The following RNF39 variants were observed in gnomAD, a reference collection of about 807,000 sequenced individuals.
RNF39 encodes the protein LTP (long-term potentiation) induced RING finger protein.
In RNF39, 25 loss-of-function variants were observed where a neutral mutation model predicts 29.2. The observed-to-expected ratio is 0.86, with a 90% CI of 0.62 to 1.20. The LOEUF (loss-of-function observed/expected upper bound fraction) is 1.20. RNF39 is among the 50% of genes most tolerant of loss of function. The pLI is 0.00. For missense variants in RNF39, 519 were observed against 515.0 expected, an observed-to-expected ratio of 1.01 and a Z score of -0.08; for synonymous variants, 219 against 229.0, an observed-to-expected ratio of 0.96 and a Z score of 0.40.
Position 30,071,127 on chromosome 6 carries a change from A to G in RNF39, c.1043T>C (p.Val348Ala). 6.4e-7 allele frequency: 1 copy of G among 1,560,240 alleles called. No homozygotes were observed. The highest frequency in any genetic ancestry group is 1.2e-5 in the South Asian group (1 of 82,008). The change falls in exon 4 of 4, where the codon GTA becomes GCA. Residue 348 changes from valine (V) to alanine (A), a missense_variant. Coordinates refer to ENST00000244360, the MANE Select transcript of RNF39 (RefSeq NM_025236.4). The surrounding 1 kb of genome is among the most constrained non-coding windows in gnomAD (Gnocchi z 5.0). The stretch of plus-strand genomic sequence containing the variant: ...AGACGAGACTCAGCTTTCCGCTGGT[A>G]CAATGCGGAGCGGAGCACGAGGGTC... ...TCDPRAPLRI[V>A]PAES
Position 30,075,365 on chromosome 6 carries a change from C to T in RNF39, c.221G>A (p.Ser74Asn), listed in dbSNP as rs765271457. 1.5e-5 allele frequency: 24 copies of T among 1,586,002 alleles called. No homozygotes were observed. The highest frequency in any genetic ancestry group is 2.0e-5 in the Non-Finnish European group (23 of 1,168,830). Residue 74 changes from serine (S) to asparagine (N), a missense_variant, in exon 1 of 4, where the codon AGC becomes AAC. Coordinates refer to ENST00000244360, the MANE Select transcript of RNF39 (RefSeq NM_025236.4). ...PCCGLPCPRRSLRSNVRLAVE... is the reference protein window; with the variant it reads ...PCCGLPCPRRNLRSNVRLAVE... ...CGCCAGCCGCACATTAGACCTCAGG[C>T]TGCGGCGGGGACACGGCAGGCCGCA...
chr6:30,071,181 TC>T lies in RNF39; in HGVS notation c.988del (p.Glu330SerfsTer72). 2 of 1,522,826 alleles carry T rather than the reference TC, an allele frequency of 1.3e-6. No individual in the cohort carries two copies. The highest frequency in any genetic ancestry group is 1.8e-6 in the Non-Finnish European group (2 of 1,137,720). The allele number at this position is 1,522,826 out of a possible 1,614,324, so 94.3% of individuals were successfully genotyped here. On this transcript the variant is annotated frameshift_variant, in exon 4 of 4. Transcript: ENST00000244360. LOFTEE classifies it high-confidence loss of function. The surrounding 1 kb of genome is among the most constrained non-coding windows in gnomAD (Gnocchi z 5.0). The stretch of plus-strand genomic sequence containing the variant: ...GGTGCAGAACAGCGGGAAGATGCGC[TC>T]CCCCAGGGGGCCAGGCGCCTGGAAG... ...YAFQAPGPLG[E>X]RIFPLFCTCD...
At position 30,071,013 on chromosome 6, in the gene RNF39, G is replaced by T; in HGVS notation, c.*98C>A. 1 of 974,946 alleles carries T rather than the reference G, an allele frequency of 1.0e-6. No individual in the cohort carries two copies. Among genetic ancestry groups the T allele is most frequent in the Non-Finnish European group, 1.6e-6 (1 of 621,270 alleles). 60.4% of individuals were successfully genotyped at this position (974,946 alleles called of 1,614,324 possible). A position where few individuals can be genotyped will look rare whatever the true frequency, so the allele number is the denominator to read the frequency against. On this transcript the variant is annotated 3_prime_UTR_variant, in exon 4 of 4. Transcript: ENST00000244360. The surrounding 1 kb of genome is among the most constrained non-coding windows in gnomAD (Gnocchi z 5.0). ...GTTGCTATTAATACTCCTGCAATGG[G>T]CGTGTGAATGTGTTCCCAGAAATGA...
Position 30,070,422 on chromosome 6 carries a change from G to A in RNF39, c.*689C>T, listed in dbSNP as rs2127311137. 1 of 202,698 alleles carries A rather than the reference G, an allele frequency of 4.9e-6. No individual in the cohort carries two copies. Among genetic ancestry groups the A allele is most frequent in the East Asian group, 1.2e-4 (1 of 8,248 alleles). The allele number at this position is 202,698 out of a possible 1,614,324, so 12.6% of individuals were successfully genotyped here. A position where few individuals can be genotyped will look rare whatever the true frequency, so the allele number is the denominator to read the frequency against. On this transcript the variant is annotated 3_prime_UTR_variant, in exon 4 of 4. Coordinates refer to ENST00000244360, the MANE Select transcript of RNF39 (RefSeq NM_025236.4). ...TTTGGAGATGTCTGAAGTATTCCCAGGTTGAGGAGGAGAGAGGGGAAATAG... is the reference window on the plus strand; with the variant it reads ...TTTGGAGATGTCTGAAGTATTCCCAAGTTGAGGAGGAGAGAGGGGAAATAG...
rs962217611 is a variant in RNF39, at chr6:30,071,655, C to A, written c.515G>T (p.Arg172Leu). Residue 172 changes from arginine (R) to leucine (L), a missense_variant, in exon 4 of 4, where the codon CGC becomes CTC. Arg to Leu is a moderately radical substitution (Grantham distance 102). Transcript: ENST00000244360. This position sits in a 1 kb window ranked among gnomAD's most constrained non-coding sequence, Gnocchi z 5.0. ...GCGGCGGTCGGCGGAGATGAGCAGGCGGCGGTGTGCGGTCCCAGGGTCCAG... is the reference window on the plus strand; with the variant it reads ...GCGGCGGTCGGCGGAGATGAGCAGGAGGCGGTGTGCGGTCCCAGGGTCCAG... ...LTLDPGTAHR[R>L]LLISADRRSV... The A allele has an allele frequency of 2.8e-6, 4 of 1,428,496 alleles. No homozygotes were observed. The highest frequency in any genetic ancestry group is 3.6e-6 in the Non-Finnish European group (4 of 1,097,744). The allele number at this position is 1,428,496 out of a possible 1,614,324, so 88.5% of individuals were successfully genotyped here.
At position 30,075,338 on chromosome 6, in the gene RNF39, A is replaced by T. The variant is rs77391493; in HGVS notation, c.248T>A (p.Val83Glu). 9 of 1,589,298 alleles carry T rather than the reference A, an allele frequency of 5.7e-6. No homozygotes were observed. The South Asian group carries it at 1.0e-4, about 18-fold the overall frequency. Reference sequence around the variant, plus strand: ...CAGCTCGCGGCTGATTCGCACCTCCACCGCCAGCCGCACATTAGACCTCAG... The same window carrying T: ...CAGCTCGCGGCTGATTCGCACCTCCTCCGCCAGCCGCACATTAGACCTCAG... ...RSLRSNVRLA[V>E]EVRISRELRE... Residue 83 changes from valine (V) to glutamate (E), a missense_variant, in exon 1 of 4, where the codon GTG becomes GAG. Transcript: ENST00000244360.
In RNF39 at chr6:30,071,486, G is replaced by A. The variant is rs1765968224; in HGVS notation, c.684C>T (p.Cys228=). 22 of 1,558,056 alleles carry A rather than the reference G, an allele frequency of 1.4e-5. No homozygotes were observed. The highest frequency in any genetic ancestry group is 1.9e-5 in the Non-Finnish European group (22 of 1,156,864). The change falls in exon 4 of 4, where the codon TGC becomes TGT. Residue 228 remains cysteine, a synonymous_variant. Transcript: ENST00000244360. The surrounding 1 kb of genome is among the most constrained non-coding windows in gnomAD (Gnocchi z 5.0). ...WEVETADAAS[C]RDSSGEDADD... ...CCGCATCCTCCCCAGAAGAGTCTCT[G>A]CAGGAGGCGGCGTCCGCAGTCTCCA... is the stretch of plus-strand genomic sequence containing the variant.
Position 30,071,784 on chromosome 6 carries a change from A to G in RNF39, c.479-93T>C. The G allele has an allele frequency of 9.0e-7, 1 of 1,108,888 alleles. No homozygotes were observed. The highest frequency in any genetic ancestry group is 1.2e-6 in the Non-Finnish European group (1 of 827,792). The allele number at this position is 1,108,888 out of a possible 1,614,324, so 68.7% of individuals were successfully genotyped here. ...GAGAATAGTCAACGAAGATCACGTAAAAGACTGAGAGCTAGTGACCACACA... is the reference window on the plus strand; with the variant it reads ...GAGAATAGTCAACGAAGATCACGTAGAAGACTGAGAGCTAGTGACCACACA... On this transcript the variant is annotated intron_variant, in intron 3 of 3. Transcript: ENST00000244360. This position sits in a 1 kb window ranked among gnomAD's most constrained non-coding sequence, Gnocchi z 5.0.
rs909643792 is a variant in RNF39 at position 30,071,105 on chromosome 6, C to T, written c.*6G>A. 4 of 1,552,324 alleles carry T rather than the reference C, an allele frequency of 2.6e-6. No individual in the cohort carries two copies. The African/African-American group carries it at 4.1e-5, about 16-fold the overall frequency. On this transcript the variant is annotated 3_prime_UTR_variant, in exon 4 of 4. Transcript: ENST00000244360. This position sits in a 1 kb window ranked among gnomAD's most constrained non-coding sequence, Gnocchi z 5.0. The stretch of plus-strand genomic sequence containing the variant: ...GCCGGGCCAAACTTCTAGTTGGAGA[C>T]GAGACTCAGCTTTCCGCTGGTACAA...
rs2127327144 is a variant in RNF39, at chr6:30,075,407, G to A, written c.179C>T (p.Pro60Leu). ...TPPATGTEAS[P>L]TACPCCGLPC... ...CAGGCCGCAGCAGGGACAGGCGGTG[G>A]GGGAAGCCTCGGTGCCGGTCGCCGG... The change falls in exon 1 of 4, where the codon CCC becomes CTC. Residue 60 changes from proline (P) to leucine (L), a missense_variant. Transcript: ENST00000244360. The A allele has an allele frequency of 6.4e-7, 1 of 1,559,722 alleles. No individual in the cohort carries two copies. The highest frequency in any genetic ancestry group is 1.4e-5 in the African/African-American group (1 of 73,932).
In RNF39 at chr6:30,071,665, C is replaced by A; in HGVS notation, c.505G>T (p.Ala169Ser). 1 of 1,430,180 alleles carries A rather than the reference C, an allele frequency of 7.0e-7. No homozygotes were observed. The highest frequency in any genetic ancestry group is 9.1e-7 in the Non-Finnish European group (1 of 1,098,850). The allele number at this position is 1,430,180 out of a possible 1,614,324, so 88.6% of individuals were successfully genotyped here. A position where few individuals can be genotyped will look rare whatever the true frequency, so the allele number is the denominator to read the frequency against. ...TADLTLDPGT[A>S]HRRLLISADR... ...GCGGAGATGAGCAGGCGGCGGTGTG[C>A]GGTCCCAGGGTCCAGGGTCAGGTCG... Residue 169 changes from alanine to serine, a missense_variant, in exon 4 of 4, where the codon GCA becomes TCA. Physicochemically the swap from Ala to Ser is moderately conservative, Grantham distance 99 (BLOSUM62 1). Coordinates refer to ENST00000244360, the MANE Select transcript of RNF39 (RefSeq NM_025236.4). The surrounding 1 kb of genome is among the most constrained non-coding windows in gnomAD (Gnocchi z 5.0).
In RNF39 at chr6:30,071,439, G is replaced by T; in HGVS notation, c.731C>A (p.Ala244Glu). 6.5e-7 allele frequency: 1 copy of T among 1,541,336 alleles called. No individual in the cohort carries two copies. Among genetic ancestry groups the T allele is most frequent in the Non-Finnish European group, 8.7e-7 (1 of 1,152,708 alleles). The change falls in exon 4 of 4, where the codon GCA becomes GAA. Residue 244 changes from alanine to glutamate, a missense_variant. Coordinates refer to ENST00000244360, the MANE Select transcript of RNF39 (RefSeq NM_025236.4). This position sits in a 1 kb window ranked among gnomAD's most constrained non-coding sequence, Gnocchi z 5.0. ...EDADDEESHY[A>E]VGAAGESVQR... ...CACTGATTCCCCGGCCGCGCCCACT[G>T]CATAGTGGCTCTCCTCGTCGTCCGC...
In RNF39 at chr6:30,072,066, G is replaced by A. The variant is rs887305069; in HGVS notation, c.479-375C>T. On this transcript the variant is annotated intron_variant, in intron 3 of 3. Coordinates refer to ENST00000244360, the MANE Select transcript of RNF39 (RefSeq NM_025236.4). The surrounding 1 kb of genome is among the most constrained non-coding windows in gnomAD (Gnocchi z 4.5). ...CTGATACCTCAATCTGCATCATCTG[G>A]GGTGGGGCATGGGAGCTGGGTCAGC... Among the ~76,000 whole-genome samples the A allele has an allele frequency of 2.0e-5, 3 of 152,082 alleles. No homozygotes were observed. The highest frequency in any genetic ancestry group is 2.9e-5 in the Non-Finnish European group (2 of 68,018).
In RNF39 at chr6:30,075,418, G is replaced by A. The variant is rs113591789; in HGVS notation, c.168C>T (p.Thr56=). Residue 56 remains threonine (T), a synonymous_variant, in exon 1 of 4, where the codon ACC becomes ACT. Coordinates refer to ENST00000244360, the MANE Select transcript of RNF39 (RefSeq NM_025236.4). ...RRWGTPPATG[T]EASPTACPCC... is the part of the protein sequence containing the mutation. ...AGGGACAGGCGGTGGGGGAAGCCTCGGTGCCGGTCGCCGGCGGAGTCCCCC... is the reference window on the plus strand; with the variant it reads ...AGGGACAGGCGGTGGGGGAAGCCTCAGTGCCGGTCGCCGGCGGAGTCCCCC... The A allele has an allele frequency of 6.4e-7, 1 of 1,554,932 alleles. No homozygotes were observed. Among genetic ancestry groups the A allele is most frequent in the Non-Finnish European group, 8.7e-7 (1 of 1,153,456 alleles).
chr6:30,073,912 C>T (rs1217623677), intron 1 of RNF39, among the ~76,000 whole-genome samples: 1 of 152,184 alleles, frequency 6.6e-6, no homozygotes, highest in African/African-American at 2.4e-5. Context: ...GTCCCTTCCT[C>T]CCTCCATCAC....
Position 30,071,522 on chromosome 6 carries a change from G to C in RNF39, c.648C>G (p.His216Gln). 3 of 1,533,950 alleles carry C rather than the reference G, an allele frequency of 2.0e-6. No homozygotes were observed. The highest frequency in any genetic ancestry group is 2.6e-6 in the Non-Finnish European group (3 of 1,144,294). The change falls in exon 4 of 4, where the codon CAC becomes CAG. Residue 216 changes from histidine (H) to glutamine (Q), a missense_variant. His to Gln is a conservative substitution (Grantham distance 24). Transcript: ENST00000244360. This position sits in a 1 kb window ranked among gnomAD's most constrained non-coding sequence, Gnocchi z 5.0. Reference protein sequence around the residue: ...LGAQGFGAGRHCWEVETADAA... With the variant: ...LGAQGFGAGRQCWEVETADAA... ...CGTCCGCAGTCTCCACCTCCCAGCA[G>C]TGGCGGCCGGCCCCGAAGCCCTGCG...
rs748828127 is a variant in RNF39 at position 30,073,471 on chromosome 6, C to T, written c.371G>A (p.Arg124Lys). 4 of 1,614,068 alleles carry T rather than the reference C, an allele frequency of 2.5e-6. No homozygotes were observed. The highest frequency in any genetic ancestry group is 3.4e-6 in the Non-Finnish European group (4 of 1,179,978). Residue 124 changes from arginine to lysine, a missense_variant, in exon 2 of 4, where the codon AGG becomes AAG. Transcript: ENST00000244360. ...GCLDLPGEDM[R>K]KTWRRFEVPT... ...TGGAACTCACCGTCTCCATGTCTTC[C>T]TCATATCCTAGGATGGGCAGAAACA...
chr6:30,073,189 G>T lies in RNF39; in HGVS notation c.446C>A (p.Pro149Gln). The change falls in exon 3 of 4, where the codon CCA (proline) becomes CAA (glutamine). Residue 149 changes from proline (P) to glutamine (Q), a missense_variant. Physicochemically the swap from Pro to Gln is moderately conservative, Grantham distance 76. Transcript: ENST00000244360. ...NSEDDLPEDY[P>Q]VVKKMLHRLT... ...TCTATGAAGCATTTTTTTGACCACT[G>T]GATAATCTTCAGGGAGATCATCCTC... is the stretch of plus-strand genomic sequence containing the variant. 1 of 1,611,374 alleles carries T rather than the reference G, an allele frequency of 6.2e-7. No individual in the cohort carries two copies. The highest frequency in any genetic ancestry group is 8.5e-7 in the Non-Finnish European group (1 of 1,177,746).
In RNF39 at chr6:30,074,168, C is replaced by G. The variant is rs1032987215; in HGVS notation, c.364-690G>C. On this transcript the variant is annotated intron_variant, in intron 1 of 3. Coordinates refer to ENST00000244360, the MANE Select transcript of RNF39 (RefSeq NM_025236.4). The surrounding 1 kb of genome is among the most constrained non-coding windows in gnomAD (Gnocchi z 4.1). ...TGCTCCCCTCCAAACACTGGGATAC[C>G]GACCCCTCCACTTCACTGTCTAGTG... Among the ~76,000 whole-genome samples, 1 of 152,136 alleles carries G rather than the reference C, an allele frequency of 6.6e-6. No individual in the cohort carries two copies. Among genetic ancestry groups the G allele is most frequent in the Non-Finnish European group, 1.5e-5 (1 of 68,030 alleles).
Sources: allele counts gnomAD v4.1 joint callset (sites outside exome capture counted in the v4.1 genomes callset), GRCh38; gene constraint gnomAD v4.1.1; non-coding constraint Gnocchi (gnomAD v3.1); transcripts MANE v1.5; gene names NCBI Gene and HGNC (gene_info 2026-07-23, HGNC 2026-07-21).